Variants in RP1 observed in about 807,000 individuals in gnomAD.
RP1 encodes the protein RP1 axonemal microtubule associated.
In RP1, 16 loss-of-function variants were observed where a neutral mutation model predicts 14.8. That is an observed-to-expected ratio of 1.08 (90% CI 0.73 to 1.65). The LOEUF is 1.65. Ranked by LOEUF, RP1 falls within the 40% of genes most tolerant of loss-of-function variation. The pLI is 0.00. For synonymous variants in RP1, 876 were observed against 883.6 expected, an observed-to-expected ratio of 0.99 and a Z score of 0.15; for missense variants, 2,631 against 2,535.0, an observed-to-expected ratio of 1.04 and a Z score of -0.81.
intron 22 of RP1, among the ~76,000 whole-genome samples, chr8:54,767,679 C>T (rs1335597838): frequency 6.6e-6 from 1 of 152,136 alleles, no homozygotes; most frequent in Non-Finnish European, 1.5e-5. Flanking sequence ...TATTTTTAAA[C>T]ATGAAGCTGA....
chr8:54,831,251 C>A (rs1478299803), intron 24 of RP1, among the ~76,000 whole-genome samples: 6 of 151,884 alleles, frequency 4.0e-5, no homozygotes, highest in Admixed American at 3.9e-4. Context: ...TATGGTAATA[C>A]TATATTTAAC....
In RP1 at chr8:54,621,032, A is replaced by T; in HGVS notation, c.66A>T (p.Pro22=). 1 of 1,613,694 alleles carries T rather than the reference A, an allele frequency of 6.2e-7. No individual in the cohort carries two copies. Among genetic ancestry groups the T allele is most frequent in the East Asian group, 2.2e-5 (1 of 44,838 alleles). Residue 22 remains proline (P), a synonymous_variant, in exon 2 of 4, where the codon CCA becomes CCT. Coordinates refer to ENST00000220676, the MANE Select transcript of RP1 (RefSeq NM_006269.2). ...IHPTSSEGQV[P]PPRHLSLTHP... ...CTACGTCTTCTGAAGGTCAAGTTCC[A>T]CCCCCTCGCCATTTGAGCCTCACTC...
intron 21 of RP1, among the ~76,000 whole-genome samples, chr8:54,756,047 C>A (rs539135900): frequency 6.6e-6 from 1 of 152,172 alleles, no homozygotes; most frequent in South Asian, 2.1e-4. Context: ...ACTCAAAAGA[C>A]AAGGAAAATA....
At chr8:54,659,941 T>A (rs945751530) in intron 6 of RP1, among the ~76,000 whole-genome samples, 7 of 152,184 alleles carry the variant, frequency 4.6e-5, no homozygotes, top group Non-Finnish European at 8.8e-5. Flanking sequence ...CTTGGTTTAG[T>A]ATTAAGTATA....
intron 24 of RP1, among the ~76,000 whole-genome samples, chr8:54,830,959 G>C (rs1470500974): frequency 6.6e-6 from 1 of 152,012 alleles, no homozygotes; most frequent in Non-Finnish European, 1.5e-5. Context: ...TTGAGTACAT[G>C]GTCTTTTTTA....
At chr8:54,746,675 T>C (rs1422231226) in intron 19 of RP1, among the ~76,000 whole-genome samples, 1 of 152,218 alleles carries the variant, frequency 6.6e-6, no homozygotes, top group Non-Finnish European at 1.5e-5. Flanking sequence ...TTTTTTATTC[T>C]CTGGAATTGA....
Position 54,627,987 on chromosome 8 carries a change from C to G in RP1, c.4105C>G (p.Gln1369Glu). Reference sequence around the variant, plus strand: ...AGAGTTAGAAAGAGGTGATGACATTCAGAAAGATCTAAATATTTTGACAGA... The same window carrying G: ...AGAGTTAGAAAGAGGTGATGACATTGAGAAAGATCTAAATATTTTGACAGA... The part of the protein sequence containing the change: ...TEELERGDDI[Q>E]KDLNILTDPE... Residue 1369 changes from glutamine to glutamate, a missense_variant, in exon 4 of 4, where the codon CAG becomes GAG. Physicochemically the swap from Gln to Glu is conservative, Grantham distance 29. Transcript: ENST00000220676. 1 of 1,613,940 alleles carries G rather than the reference C, an allele frequency of 6.2e-7. No individual in the cohort carries two copies. The highest frequency in any genetic ancestry group is 8.5e-7 in the Non-Finnish European group (1 of 1,179,906).
chr8:54,733,600 G>C (rs943016215), intron 17 of RP1, among the ~76,000 whole-genome samples: 1 of 152,138 alleles, frequency 6.6e-6, no homozygotes, highest in African/African-American at 2.4e-5. Context: ...GCCGAGGGCT[G>C]CCTATAGTTT....
intron 28 of RP1, chr8:54,865,971 C>A: frequency 2.7e-6 from 2 of 743,714 alleles, no homozygotes; most frequent in Non-Finnish European, 3.7e-6. Context: ...CCAATTTATT[C>A]CACCTGTGTC....
intron 8 of RP1, among the ~76,000 whole-genome samples, chr8:54,677,414 G>A (rs117845606): frequency 2.6e-5 from 4 of 152,230 alleles, no homozygotes; most frequent in East Asian, 1.9e-4. Context: ...AAGCTGAAGC[G>A]TCTTATATGC....
chr8:54,843,750 G>T (rs1295277261), intron 25 of RP1, among the ~76,000 whole-genome samples: 2 of 152,154 alleles, frequency 1.3e-5, no homozygotes, highest in African/African-American at 4.8e-5. Context: ...TCCCACCCTT[G>T]CTCCAGTCCT....
rs540237542 is a variant in RP1 at position 54,723,344 on chromosome 8, C to G, written c.2390-3001C>G. ...ATAGATTTCTAAAAGACAAGAGATT[C>G]CGTCTCATCACCTCTTTTAATCACT... On this transcript the variant is annotated intron_variant, in intron 16 of 22. Coordinates refer to the RP1 transcript ENST00000636932. 3.9e-5 allele frequency among the ~76,000 whole-genome samples: 6 copies of G among 152,018 alleles called. No individual in the cohort carries two copies. In the South Asian group the frequency reaches 1.3e-3, roughly 32 times the overall value.
intron 1 of RP1, among the ~76,000 whole-genome samples, chr8:54,592,697 C>T (rs564295470): frequency 6.6e-6 from 1 of 152,200 alleles, no homozygotes; most frequent in Admixed American, 6.5e-5. Flanking sequence ...GAGGTGGTTG[C>T]TAAATTAGTC....
intron 22 of RP1, among the ~76,000 whole-genome samples, chr8:54,761,596 G>A (rs1585669947): frequency 6.6e-6 from 1 of 152,218 alleles, no homozygotes; most frequent in South Asian, 2.1e-4. Context: ...GAAGGAAGGA[G>A]CATAAGTGAT....
intron 3 of RP1, among the ~76,000 whole-genome samples, chr8:54,636,492 C>T (rs977272071): frequency 6.6e-6 from 1 of 152,212 alleles, no homozygotes; most frequent in African/African-American, 2.4e-5. Context: ...AATCCCAGCA[C>T]TTTGGGAGGC....
At chr8:54,613,370 G>A (rs1173809872), upstream of RP1, among the ~76,000 whole-genome samples, 1 of 152,128 alleles carries the variant, frequency 6.6e-6, no homozygotes, top group Admixed American at 6.5e-5. Context: ...GTAAATTCTA[G>A]CAGTTACAAT....
chr8:54,747,738 C>T (rs1432016102), intron 19 of RP1, among the ~76,000 whole-genome samples: 1 of 152,170 alleles, frequency 6.6e-6, no homozygotes, highest in Non-Finnish European at 1.5e-5. Context: ...CCTGTCTCTA[C>T]AGAAATGCAA....
chr8:54,720,627 G>A (rs528719695), intron 16 of RP1, among the ~76,000 whole-genome samples: 2 of 152,150 alleles, frequency 1.3e-5, no homozygotes, highest in Non-Finnish European at 2.9e-5. Flanking sequence ...TACCCTGAGA[G>A]GGATGAGGCT....
intron 12 of RP1, among the ~76,000 whole-genome samples, chr8:54,681,294 C>G (rs1481385243): frequency 6.6e-6 from 1 of 152,074 alleles, no homozygotes; most frequent in East Asian, 1.9e-4. Flanking sequence ...GAGACCAAGA[C>G]CATTTATTTC....
Sources: allele counts gnomAD v4.1 joint callset (sites outside exome capture counted in the v4.1 genomes callset), GRCh38; gene constraint gnomAD v4.1.1; transcripts MANE v1.5; gene names NCBI Gene and HGNC (gene_info 2026-07-23, HGNC 2026-07-21).